Variants in CASR observed in about 807,000 individuals in gnomAD.
CASR encodes calcium sensing receptor, also known as extracellular calcium-sensing receptor.
CASR carries 23 observed loss-of-function variants against 69.1 expected under a neutral mutation model. The observed-to-expected ratio is 0.33, with a 90% CI of 0.24 to 0.47. The LOEUF is 0.47. Ranked by LOEUF, CASR falls within the 20% of genes least tolerant of loss-of-function variation. CASR has a pLI of 1.00. For synonymous variants in CASR, 541 were observed against 544.7 expected (o/e 0.99, Z 0.10); for missense variants, 924 against 1,356.1 (o/e 0.68, Z 5.00).
intron 4 of CASR, among the ~76,000 whole-genome samples, chr3:122,275,281 G>A (rs546300284): frequency 2.2e-4 from 33 of 152,272 alleles, no homozygotes; most frequent in Non-Finnish European, 4.0e-4. Context: ...AATAATGGCC[G>A]GGCTTTGCCC....
intron 1 of CASR, among the ~76,000 whole-genome samples, chr3:122,218,435 G>A (rs1371327432): frequency 6.6e-6 from 1 of 151,524 alleles, no homozygotes; most frequent in Admixed American, 6.6e-5. Context: ...TCGGGAGGCT[G>A]AGGCAGGAGA....
At chr3:122,216,578 G>A (rs1453893074) in intron 1 of CASR, among the ~76,000 whole-genome samples, 1 of 152,122 alleles carries the variant, frequency 6.6e-6, no homozygotes. Context: ...GCATAAATAG[G>A]GAATAAGGAC....
At chr3:122,261,455 A>G (rs1187204044) in intron 3 of CASR, 73 bp from the exon 4 acceptor site, 3 of 1,409,996 alleles carry the variant, frequency 2.1e-6, no homozygotes, top group Non-Finnish European at 3.0e-6. Context: ...CACCTCCACA[A>G]CAGCCTGGAG....
At chr3:122,189,760 G>C (rs2073822380) in intron 1 of CASR, among the ~76,000 whole-genome samples, 1 of 152,112 alleles carries the variant, frequency 6.6e-6, no homozygotes, top group South Asian at 2.1e-4. Context: ...TTTTCATGTA[G>C]GTAGAAAGAA....
intron 1 of CASR, among the ~76,000 whole-genome samples, chr3:122,252,784 G>A (rs980545781): frequency 1.3e-5 from 2 of 152,222 alleles, no homozygotes; most frequent in Non-Finnish European, 2.9e-5. Flanking sequence ...AACAAGTCCA[G>A]TAGGGAGGTA....
chr3:122,261,445 C>A, intron 3 of CASR, 83 bp from the exon 4 acceptor site: 1 of 1,264,150 alleles, frequency 7.9e-7, no homozygotes, highest in Non-Finnish European at 1.2e-6. Flanking sequence ...CTCAGAAAGC[C>A]ACCTCCACAA....
chr3:122,208,285 T>G (rs991992057), intron 1 of CASR, among the ~76,000 whole-genome samples: 1 of 152,194 alleles, frequency 6.6e-6, no homozygotes, highest in African/African-American at 2.4e-5. Context: ...CAAGTGATTC[T>G]CCCACCTTAG....
At chr3:122,266,931 A>G (rs2074701625) in intron 4 of CASR, among the ~76,000 whole-genome samples, 1 of 152,114 alleles carries the variant, frequency 6.6e-6, no homozygotes. Context: ...TTGAACCTAG[A>G]AAGCATAAAT....
Position 122,201,193 on chromosome 3 carries a change from G to A in CASR, c.-243+17381G>A, listed in dbSNP as rs184231600. Among the ~76,000 whole-genome samples the A allele has an allele frequency of 2.9e-3, 434 of 152,052 alleles. 1 individual carries two copies. Among genetic ancestry groups the A allele is most frequent in the Non-Finnish European group, 3.8e-3 (260 of 67,964 alleles). On this transcript the variant is annotated intron_variant, in intron 1 of 6. Transcript: ENST00000639785. Reference sequence around the variant, plus strand: ...CCTGGGTACTTGAGATTAGGGAGTGGTGACGACTCCCAACGAGCATGTTGC... The same window carrying A: ...CCTGGGTACTTGAGATTAGGGAGTGATGACGACTCCCAACGAGCATGTTGC...
chr3:122,214,217 GT>G (rs1325851888), intron 1 of CASR, among the ~76,000 whole-genome samples: 2 of 151,384 alleles, frequency 1.3e-5, no homozygotes, highest in Non-Finnish European at 2.9e-5. Context: ...TTAATGGAGC[GT>G]ATCCATTTTT....
Position 122,254,306 on chromosome 3 carries a change from T to G in CASR, c.117T>G (p.Pro39=), listed in dbSNP as rs1316125812. ...KGDIILGGLF[P]IHFGVAAKDQ... is the part of the protein sequence containing the mutation. Reference sequence around the variant, plus strand: ...ACATTATCCTTGGGGGGCTCTTTCCTATTCATTTTGGAGTAGCAGCTAAAG... The same window carrying G: ...ACATTATCCTTGGGGGGCTCTTTCCGATTCATTTTGGAGTAGCAGCTAAAG... Residue 39 remains proline, a synonymous_variant, in exon 2 of 7, where the codon CCT becomes CCG. Transcript: ENST00000639785. The G allele has an allele frequency of 6.2e-7, 1 of 1,614,190 alleles. No homozygotes were observed. The highest frequency in any genetic ancestry group is 1.3e-5 in the African/African-American group (1 of 75,056).
chr3:122,257,557 G>T (rs990517507), intron 3 of CASR, 170 bp downstream of exon 3: 1 of 590,138 alleles, frequency 1.7e-6, no homozygotes, highest in Non-Finnish European at 3.0e-6. Context: ...TGAAACTCCA[G>T]TGTCCACAAT....
chr3:122,290,706 C>T lies in CASR; in HGVS notation c.*5515C>T, dbSNP rs1484320201. ...AGGAATCACCATACTGGGTCAGTCA[C>T]CCCTCCTCCAAATTTTTCTTTATTC... On this transcript the variant is annotated 3_prime_UTR_variant, in exon 7 of 7. Coordinates refer to ENST00000639785, the MANE Select transcript of CASR (RefSeq NM_000388.4). 1 of 151,546 alleles carries T rather than the reference C, an allele frequency of 6.6e-6. No homozygotes were observed. The highest frequency in any genetic ancestry group is 2.4e-5 in the African/African-American group (1 of 41,252). 9.4% of individuals were successfully genotyped at this position (151,546 alleles called of 1,614,324 possible). A position where few individuals can be genotyped will look rare whatever the true frequency, so the allele number is the denominator to read the frequency against.
intron 1 of CASR, among the ~76,000 whole-genome samples, chr3:122,228,936 A>G (rs2074254111): frequency 6.6e-6 from 1 of 152,118 alleles, no homozygotes; most frequent in Non-Finnish European, 1.5e-5. Context: ...CTCTTCTCAA[A>G]TGCATCCCTC....
At chr3:122,228,587 T>C (rs1291300861) in intron 1 of CASR, among the ~76,000 whole-genome samples, 2 of 152,196 alleles carry the variant, frequency 1.3e-5, no homozygotes, top group Non-Finnish European at 2.9e-5. Context: ...CTGGCTGGAA[T>C]TAGGAGCCTA....
intron 1 of CASR, among the ~76,000 whole-genome samples, chr3:122,192,653 T>C (rs1205136536): frequency 6.6e-6 from 1 of 152,236 alleles, no homozygotes; most frequent in East Asian, 1.9e-4. Flanking sequence ...AACTAATCTC[T>C]TGGCCAAGAA....
At chr3:122,202,875 G>A (rs1285462345) in intron 1 of CASR, among the ~76,000 whole-genome samples, 1 of 152,096 alleles carries the variant, frequency 6.6e-6, no homozygotes, top group Non-Finnish European at 1.5e-5. Context: ...TTTCCACATG[G>A]ATAACCAGTT....
intron 1 of CASR, among the ~76,000 whole-genome samples, chr3:122,200,029 T>C (rs1219191777): frequency 1.3e-5 from 2 of 152,206 alleles, no homozygotes; most frequent in Non-Finnish European, 2.9e-5. Context: ...TGCCTCAGCC[T>C]CCCAAGTAGC....
chr3:122,263,526 A>C (rs934401586), intron 4 of CASR, among the ~76,000 whole-genome samples: 1 of 152,214 alleles, frequency 6.6e-6, no homozygotes, highest in Non-Finnish European at 1.5e-5. Context: ...AAAAATGATA[A>C]CTAGAACACC....
Sources: allele counts gnomAD v4.1 joint callset (sites outside exome capture counted in the v4.1 genomes callset), GRCh38; gene constraint gnomAD v4.1.1; transcripts MANE v1.5; gene names NCBI Gene and HGNC (gene_info 2026-07-23, HGNC 2026-07-21).